PRKG1: variants seen among roughly 807,000 people sequenced by gnomAD.
The protein encoded by PRKG1 is cGMP-dependent protein kinase 1.
A neutral mutation model predicts 88.1 loss-of-function variants in PRKG1; 35 were observed. That is an observed-to-expected ratio of 0.40 (90% CI 0.30 to 0.53). The LOEUF is 0.53. Ranked by LOEUF, PRKG1 falls within the 20% of genes least tolerant of loss-of-function variation. The pLI is 0.59. For synonymous variants in PRKG1, 303 were observed against 292.5 expected (o/e 1.04, Z -0.37); for missense variants, 540 against 839.8 (o/e 0.64, Z 4.41).
intron 3 of PRKG1, among the ~76,000 whole-genome samples, chr10:51,778,827 T>A (rs917181763): frequency 6.6e-6 from 1 of 152,180 alleles, no homozygotes; most frequent in Non-Finnish European, 1.5e-5. Flanking sequence ...ATGACTTTAA[T>A]GAAGTAATCC....
At chr10:51,908,558 T>C (rs537921021) in intron 5 of PRKG1, 1 of 152,078 alleles carries the variant, frequency 6.6e-6, no homozygotes, top group East Asian at 1.9e-4. Context: ...CTTATTTGAC[T>C]TAGATTTTTA....
chr10:51,668,780 C>G (rs1019529467), intron 3 of PRKG1, among the ~76,000 whole-genome samples: 3 of 152,060 alleles, frequency 2.0e-5, no homozygotes, highest in Non-Finnish European at 4.4e-5. Context: ...CAAAGCCCAT[C>G]TCCTCAAATG....
chr10:51,727,967 T>C lies in PRKG1; in HGVS notation c.593-76618T>C, dbSNP rs549487604. On this transcript the variant is annotated intron_variant, in intron 3 of 17. Coordinates refer to ENST00000373980, the MANE Select transcript of PRKG1 (RefSeq NM_006258.4). ...CAAAAATGAAAAGCAGAAATGAGAGTTGTCTTCCCTGCAATTTGGAAGTCT... is the reference window on the plus strand; with the variant it reads ...CAAAAATGAAAAGCAGAAATGAGAGCTGTCTTCCCTGCAATTTGGAAGTCT... 3.3e-5 allele frequency among the ~76,000 whole-genome samples: 5 copies of C among 152,210 alleles called. No individual in the cohort carries two copies. In the East Asian group the frequency reaches 9.7e-4, roughly 29 times the overall value.
chr10:51,574,518 A>G (rs1485803355), intron 3 of PRKG1, among the ~76,000 whole-genome samples: 2 of 151,970 alleles, frequency 1.3e-5, no homozygotes, highest in African/African-American at 4.8e-5. Context: ...GTAGCACTCA[A>G]CATTCCAACT....
upstream of PRKG1, among the ~76,000 whole-genome samples, chr10:51,071,050 A>G (rs1213604958): frequency 1.3e-5 from 2 of 152,240 alleles, no homozygotes; most frequent in South Asian, 2.1e-4. Context: ...CTTCCTAATT[A>G]GCAGAAAGTA....
chr10:51,566,495 A>G (rs1837608975), intron 3 of PRKG1, among the ~76,000 whole-genome samples: 2 of 152,126 alleles, frequency 1.3e-5, no homozygotes, highest in South Asian at 4.1e-4. Flanking sequence ...CAATTGATGT[A>G]ATGGAACTAG....
intron 3 of PRKG1, among the ~76,000 whole-genome samples, chr10:51,506,125 C>G (rs1841195332): frequency 6.6e-6 from 1 of 152,046 alleles, no homozygotes; most frequent in Non-Finnish European, 1.5e-5. Flanking sequence ...AAACTGGATC[C>G]CTTCCTTACA....
At chr10:51,439,566 C>T (rs2132744532) in intron 2 of PRKG1, among the ~76,000 whole-genome samples, 1 of 151,964 alleles carries the variant, frequency 6.6e-6, no homozygotes, top group East Asian at 1.9e-4. Context: ...TATACTTTAA[C>T]AGTAGAAATA....
intron 7 of PRKG1, among the ~76,000 whole-genome samples, chr10:52,131,844 A>AAAAC (rs764532999): frequency 0.034 from 3,974 of 116,920 alleles, 302 homozygotes; most frequent in Non-Finnish European, 0.053. Context: ...AAAAAAAAAA[A>AAAAC]AAGAGGCCAG....
At chr10:51,730,146 A>C (rs946649721) in intron 3 of PRKG1, among the ~76,000 whole-genome samples, 19 of 152,096 alleles carry the variant, frequency 1.2e-4, no homozygotes, top group Admixed American at 9.2e-4. Flanking sequence ...CTGAGAATAG[A>C]AGTGTTTTCA....
chr10:51,278,872 C>T (rs189089722), intron 2 of PRKG1, among the ~76,000 whole-genome samples: 6 of 152,092 alleles, frequency 3.9e-5, no homozygotes, highest in Middle Eastern at 3.4e-3. Context: ...TGCTAGCGGT[C>T]AATCAATTTT....
intron 9 of PRKG1, among the ~76,000 whole-genome samples, chr10:52,233,483 G>A (rs566265096): frequency 3.4e-4 from 51 of 148,738 alleles, no homozygotes; most frequent in African/African-American, 1.2e-3. Context: ...GAAGCAGGGC[G>A]AGGCATTGCC....
At chr10:52,029,292 A>G (rs1480691551) in intron 5 of PRKG1, among the ~76,000 whole-genome samples, 1 of 152,148 alleles carries the variant, frequency 6.6e-6, no homozygotes, top group Admixed American at 6.5e-5. Flanking sequence ...TTTCCATTAT[A>G]GTTGTTTCAT....
intron 3 of PRKG1, among the ~76,000 whole-genome samples, chr10:51,795,574 A>G (rs34391239): frequency 0.013 from 1,911 of 152,224 alleles, 34 homozygotes; most frequent in Admixed American, 0.057. Context: ...ATATGCCTTA[A>G]TAATGTTGGG....
At chr10:52,156,142 A>T (rs551222498) in intron 8 of PRKG1, among the ~76,000 whole-genome samples, 18 of 152,116 alleles carry the variant, frequency 1.2e-4, no homozygotes, top group African/African-American at 3.8e-4. Flanking sequence ...ACAGACAAAC[A>T]TCTAATACTC....
chr10:52,213,927 A>C (rs11001209), intron 9 of PRKG1, among the ~76,000 whole-genome samples: 1 of 152,140 alleles, frequency 6.6e-6, no homozygotes, highest in African/African-American at 2.4e-5. Flanking sequence ...AAATCTTAAA[A>C]GGAAAACCAA....
At chr10:51,839,650 G>A (rs528593828) in intron 4 of PRKG1, among the ~76,000 whole-genome samples, 21 of 152,290 alleles carry the variant, frequency 1.4e-4, no homozygotes, top group African/African-American at 4.8e-4. Flanking sequence ...GGATATGCAG[G>A]GTTCTCGATA....
chr10:51,499,745 C>T lies in PRKG1; in HGVS notation c.592+31909C>T, dbSNP rs117699561. ...CTTGCAGCCAGGAGTTCGAGATCAG[C>T]GTACGCAACATAAAGAAATCCCGTC... On this transcript the variant is annotated intron_variant, in intron 3 of 17. Transcript: ENST00000373980. Among the ~76,000 whole-genome samples, 99 of 152,182 alleles carry T rather than the reference C, an allele frequency of 6.5e-4. No homozygotes were observed. In the East Asian group the frequency reaches 0.016, roughly 25 times the overall value.
chr10:51,680,343 C>A (rs1009031014), intron 3 of PRKG1, among the ~76,000 whole-genome samples: 5 of 152,154 alleles, frequency 3.3e-5, no homozygotes, highest in African/African-American at 1.2e-4. Context: ...GCCCTTGAGC[C>A]CCTTGCTCGG....
Sources: allele counts gnomAD v4.1 joint callset (sites outside exome capture counted in the v4.1 genomes callset), GRCh38; gene constraint gnomAD v4.1.1; transcripts MANE v1.5; gene names NCBI Gene and HGNC (gene_info 2026-07-23, HGNC 2026-07-21).